The following KIAA2012 variants were observed in gnomAD, a reference collection of about 807,000 sequenced individuals.
KIAA2012 encodes the protein uncharacterized protein KIAA2012.
KIAA2012 carries 125 observed loss-of-function variants against 150.6 expected under a neutral mutation model. The observed-to-expected ratio is 0.83, with a 90% CI of 0.72 to 0.96. KIAA2012 has a LOEUF of 0.96. Ranked by LOEUF, KIAA2012 falls within the 40% of genes least tolerant of loss-of-function variation. The pLI, the probability that KIAA2012 is intolerant of heterozygous loss-of-function variation, is 0.00. For synonymous variants in KIAA2012, 462 were observed against 504.7 expected (o/e 0.92, Z 1.13); for missense variants, 1,219 against 1,354.9 (o/e 0.90, Z 1.57).
chr2:202,125,342 A>G, intron 12 of KIAA2012, 60 bp downstream of exon 12: 1 of 1,288,780 alleles, frequency 7.8e-7, no homozygotes, highest in Non-Finnish European at 1.1e-6. Context: ...TCATGATCAT[A>G]TTATTTCATA....
intron 22 of KIAA2012, among the ~76,000 whole-genome samples, chr2:202,199,852 C>T (rs181108780): frequency 6.6e-6 from 1 of 151,628 alleles, no homozygotes; most frequent in East Asian, 1.9e-4. Flanking sequence ...GATCTGAAAA[C>T]TCCTCTTAAT....
chr2:202,186,923 C>T lies in KIAA2012; in HGVS notation c.2211-10C>T, dbSNP rs1405828159. On this transcript the variant is annotated splice_polypyrimidine_tract_variant and intron_variant, in intron 16 of 23. Coordinates refer to ENST00000498697, the MANE Select transcript of KIAA2012 (RefSeq NM_001277372.4). The stretch of plus-strand genomic sequence containing the variant: ...TTTAGTTTGGTCCTGTTGGTTTGCT[C>T]TTTTCAAAGGGGCAGAGATTATGAT... 1.3e-6 allele frequency: 2 copies of T among 1,548,878 alleles called. No homozygotes were observed. The highest frequency in any genetic ancestry group is 2.7e-5 in the African/African-American group (2 of 72,944).
chr2:202,196,490 CG>C (rs908345331), intron 21 of KIAA2012, among the ~76,000 whole-genome samples: 1 of 151,854 alleles, frequency 6.6e-6, no homozygotes, highest in African/African-American at 2.4e-5. Flanking sequence ...CCACCACGCC[CG>C]GCCAGGAAGC....
At chr2:202,077,148 T>TG in intron 2 of KIAA2012, 2 of 431,426 alleles carry the variant, frequency 4.6e-6, no homozygotes, top group Non-Finnish European at 9.3e-6. Flanking sequence ...AGTGTGGTGC[T>TG]GGCTTCCTGA....
Position 202,190,432 on chromosome 2 carries a change from T to C in KIAA2012, c.2750T>C (p.Ile917Thr), listed in dbSNP as rs976722337. 3 of 1,549,084 alleles carry C rather than the reference T, an allele frequency of 1.9e-6. No homozygotes were observed. Among genetic ancestry groups the C allele is most frequent in the Admixed American group, 2.0e-5 (1 of 50,684 alleles). ...SLDGRSSPSQ[I>T]ATVTGNMESK... The stretch of plus-strand genomic sequence containing the variant: ...GATGGAAGATCATCACCCTCTCAGA[T>C]TGCAACTGTCACTGGCAACATGGAA... The change falls in exon 19 of 24, where the codon ATT (isoleucine) becomes ACT (threonine). Residue 917 changes from isoleucine to threonine, a missense_variant. Ile to Thr is a moderately conservative substitution (Grantham distance 89). Transcript: ENST00000498697.
At chr2:202,096,409 G>A (rs1010462085) in intron 4 of KIAA2012, among the ~76,000 whole-genome samples, 1 of 152,172 alleles carries the variant, frequency 6.6e-6, no homozygotes, top group Non-Finnish European at 1.5e-5. Flanking sequence ...ACCTGAGCCT[G>A]AGCCTGTATT....
At chr2:202,169,031 G>A (rs1691830500) in intron 15 of KIAA2012, among the ~76,000 whole-genome samples, 1 of 152,198 alleles carries the variant, frequency 6.6e-6, no homozygotes, top group Admixed American at 6.5e-5. Flanking sequence ...AGATGGAAGG[G>A]TTATTCCTCT....
intron 15 of KIAA2012, among the ~76,000 whole-genome samples, chr2:202,175,821 C>T (rs1290933998): frequency 6.6e-6 from 1 of 151,976 alleles, no homozygotes; most frequent in African/African-American, 2.4e-5. Flanking sequence ...TGGAAGTTTG[C>T]CCTGACAAAT....
chr2:202,146,535 G>A (rs923392950), intron 13 of KIAA2012, among the ~76,000 whole-genome samples: 13 of 151,572 alleles, frequency 8.6e-5, no homozygotes, highest in African/African-American at 3.2e-4. Flanking sequence ...GGGAGCCTGA[G>A]GCAGAAGAAT....
intron 14 of KIAA2012, among the ~76,000 whole-genome samples, chr2:202,157,554 C>A (rs952626003): frequency 3.3e-5 from 5 of 152,178 alleles, no homozygotes; most frequent in African/African-American, 1.2e-4. Context: ...AGGACTTATT[C>A]TGTGTCTGGC....
At chr2:202,149,277 T>C (rs1684320331) in intron 13 of KIAA2012, among the ~76,000 whole-genome samples, 1 of 152,154 alleles carries the variant, frequency 6.6e-6, no homozygotes, top group Non-Finnish European at 1.5e-5. Context: ...GACTGACTCT[T>C]CCTTTTGTTT....
At chr2:202,111,330 A>C (rs1305375983) in intron 10 of KIAA2012, among the ~76,000 whole-genome samples, 7 of 136,918 alleles carry the variant, frequency 5.1e-5, no homozygotes, top group Admixed American at 3.8e-4. Context: ...CCCCATCTCT[A>C]CTAAAAATAC....
chr2:202,146,387 C>T (rs1468890404), intron 13 of KIAA2012, among the ~76,000 whole-genome samples: 2 of 151,998 alleles, frequency 1.3e-5, no homozygotes, highest in Non-Finnish European at 2.9e-5. Context: ...AATCCCAGAA[C>T]TTTGGGAGGC....
chr2:202,081,484 A>T (rs1474118637), intron 2 of KIAA2012, among the ~76,000 whole-genome samples: 1 of 151,584 alleles, frequency 6.6e-6, no homozygotes, highest in Admixed American at 6.6e-5. Context: ...AGCGCACAAG[A>T]GTTCCAGTTT....
At position 202,161,297 on chromosome 2, in the gene KIAA2012, C is replaced by T. The variant is rs1381193464; in HGVS notation, c.2047-3987C>T. On this transcript the variant is annotated intron_variant, in intron 14 of 23. Transcript: ENST00000498697. ...TGTTTGTGACTCTTCCTCCTCCTCTCCCAGTCTTATAATACCACACTGCTG... is the reference window on the plus strand; with the variant it reads ...TGTTTGTGACTCTTCCTCCTCCTCTTCCAGTCTTATAATACCACACTGCTG... 2.6e-5 allele frequency among the ~76,000 whole-genome samples: 4 copies of T among 152,244 alleles called. No homozygotes were observed. In the East Asian group the frequency reaches 5.8e-4, roughly 22 times the overall value.
chr2:202,121,774 AG>A (rs1314550383), intron 11 of KIAA2012, among the ~76,000 whole-genome samples: 1 of 152,162 alleles, frequency 6.6e-6, no homozygotes, highest in Non-Finnish European at 1.5e-5. Context: ...AGGACCTCAG[AG>A]TCGACGTGGA....
chr2:202,182,961 A>G (rs979514953), intron 15 of KIAA2012, among the ~76,000 whole-genome samples: 1 of 152,126 alleles, frequency 6.6e-6, no homozygotes, highest in Non-Finnish European at 1.5e-5. Flanking sequence ...TAATCAAAAA[A>G]TTATTTAAAG....
At position 202,178,202 on chromosome 2, in the gene KIAA2012, AAAAG is replaced by A. The variant is rs148733507; in HGVS notation, c.2120-6531_2120-6528del. The stretch of plus-strand genomic sequence containing the variant: ...CAACAGAGTGAGACTCTGTCTCAGA[AAAAG>A]AAAGAAAGAAAGAAAGAAATGCATG... On this transcript the variant is annotated intron_variant, in intron 15 of 23. Coordinates refer to ENST00000498697, the MANE Select transcript of KIAA2012 (RefSeq NM_001277372.4). Among the ~76,000 whole-genome samples the A allele has an allele frequency of 7.6e-3, 1,153 of 152,024 alleles. 12 individuals carry two copies. The highest frequency in any genetic ancestry group is 0.025 in the African/African-American group (1,055 of 41,518).
intron 2 of KIAA2012, among the ~76,000 whole-genome samples, chr2:202,083,565 G>C (rs570192547): frequency 6.6e-6 from 1 of 152,256 alleles, no homozygotes; most frequent in African/African-American, 2.4e-5. Flanking sequence ...CCTGAGAGAA[G>C]GACTTCTGGC....
Sources: gnomAD v4.1 joint callset for allele counts (sites outside exome capture counted in the v4.1 genomes callset) on GRCh38, gnomAD v4.1.1 for gene constraint, MANE v1.5 for transcripts, NCBI Gene and HGNC (gene_info 2026-07-23, HGNC 2026-07-21) for gene names.